Variants in NT5C3A observed in about 807,000 individuals in gnomAD.
The protein encoded by NT5C3A is cytosolic 5'-nucleotidase 3A.
In NT5C3A, 23 loss-of-function variants were observed where a neutral mutation model predicts 40.0. That is an observed-to-expected ratio of 0.58 (90% CI 0.41 to 0.81). NT5C3A has a LOEUF of 0.81. Among genes scored for constraint, NT5C3A ranks in the 40% least tolerant of loss-of-function variants. The pLI is 0.00. For synonymous variants in NT5C3A, 130 were observed against 141.4 expected (o/e 0.92, Z 0.57); for missense variants, 328 against 403.0 (o/e 0.81, Z 1.59).
intron 2 of NT5C3A, among the ~76,000 whole-genome samples, chr7:33,025,570 C>T (rs17385980): frequency 0.77 from 117,592 of 152,066 alleles, 46,019 homozygotes; most frequent in African/African-American, 0.9. Flanking sequence ...CTTAATAAGG[C>T]TGTATCTTAA....
chr7:33,025,376 G>A (rs1164741507), intron 2 of NT5C3A, among the ~76,000 whole-genome samples: 1 of 152,148 alleles, frequency 6.6e-6, no homozygotes, highest in Admixed American at 6.5e-5. Flanking sequence ...ACCAATGAAT[G>A]AATGCACATT....
chr7:33,017,026 T>TG (rs1219443802), intron 7 of NT5C3A, among the ~76,000 whole-genome samples: 1 of 151,478 alleles, frequency 6.6e-6, no homozygotes, highest in Non-Finnish European at 1.5e-5. Context: ...CTACCAAAAA[T>TG]ACAAAAATTA....
At chr7:33,030,744 C>T (rs1786201258) in intron 1 of NT5C3A, among the ~76,000 whole-genome samples, 3 of 152,140 alleles carry the variant, frequency 2.0e-5, no homozygotes. Context: ...ATTTTATCCA[C>T]AACTCAATTG....
At chr7:33,030,770 G>C (rs1047062899) in intron 1 of NT5C3A, among the ~76,000 whole-genome samples, 1 of 152,138 alleles carries the variant, frequency 6.6e-6, no homozygotes, top group Non-Finnish European at 1.5e-5. Flanking sequence ...TATTAGATTT[G>C]ATATGATCTT....
intron 6 of NT5C3A, among the ~76,000 whole-genome samples, chr7:33,019,237 CAGAG>C (rs1785498034): frequency 6.7e-6 from 1 of 148,706 alleles, no homozygotes; most frequent in African/African-American, 2.5e-5. Flanking sequence ...ACCTGGGCAA[CAGAG>C]AGAGACCCTG....
At chr7:33,058,440 G>A (rs143413784) in intron 1 of NT5C3A, among the ~76,000 whole-genome samples, 2 of 152,180 alleles carry the variant, frequency 1.3e-5, no homozygotes, top group East Asian at 3.9e-4. Flanking sequence ...TCTGCCTCCT[G>A]GTTTCAAGCG....
intron 7 of NT5C3A, chr7:33,017,118 G>A: frequency 3.6e-6 from 1 of 278,678 alleles, no homozygotes; most frequent in Middle Eastern, 1.2e-3. Context: ...AGGAGACAGA[G>A]GTTACAATGT....
At chr7:33,062,221 C>T (rs1472900126) in intron 1 of NT5C3A, among the ~76,000 whole-genome samples, 2 of 152,292 alleles carry the variant, frequency 1.3e-5, no homozygotes, top group African/African-American at 4.8e-5. Context: ...CTGCCCAGGA[C>T]ATGCAGCTTA....
At chr7:33,029,243 T>TA (rs985864235) in intron 1 of NT5C3A, 10 of 80,446 alleles carry the variant, frequency 1.2e-4, no homozygotes, top group Non-Finnish European at 1.9e-4. Context: ...CACTGGTTCC[T>TA]ATTTTTTTTT....
At chr7:33,036,063 T>C in intron 1 of NT5C3A, 2 of 1,135,042 alleles carry the variant, frequency 1.8e-6, no homozygotes, top group Non-Finnish European at 1.3e-6. Flanking sequence ...TTTCAGGTTC[T>C]TCCTGTTATG....
chr7:33,041,196 T>C, intron 1 of NT5C3A: 3 of 952,334 alleles, frequency 3.2e-6, no homozygotes, highest in Non-Finnish European at 3.8e-6. Flanking sequence ...CTTAAAAACA[T>C]TCCTTTCCAC....
chr7:33,034,794 G>GAA (rs2128004589), intron 1 of NT5C3A, among the ~76,000 whole-genome samples: 1 of 148,454 alleles, frequency 6.7e-6, no homozygotes, highest in East Asian at 1.9e-4. Flanking sequence ...AAAAAAGCTA[G>GAA]AGAGAAAGAG....
intron 1 of NT5C3A, among the ~76,000 whole-genome samples, chr7:33,059,708 T>C (rs1253876055): frequency 6.6e-6 from 1 of 152,192 alleles, no homozygotes; most frequent in Non-Finnish European, 1.5e-5. Context: ...GCTTGATAAA[T>C]GAGAAAAACT....
intron 1 of NT5C3A, among the ~76,000 whole-genome samples, chr7:33,050,150 A>T (rs1219732552): frequency 6.6e-6 from 1 of 152,166 alleles, no homozygotes; most frequent in African/African-American, 2.4e-5. Flanking sequence ...GAAAGTAACT[A>T]CAGCTAGACT....
chr7:33,023,969 G>T, intron 3 of NT5C3A, 70 bp downstream of exon 3: 1 of 880,234 alleles, frequency 1.1e-6, no homozygotes, highest in Non-Finnish European at 1.9e-6. Context: ...TATCTCACAG[G>T]TAATATAAAG....
chr7:33,053,946 C>A (rs1787470278), intron 1 of NT5C3A, among the ~76,000 whole-genome samples: 1 of 152,132 alleles, frequency 6.6e-6, no homozygotes, highest in Non-Finnish European at 1.5e-5. Flanking sequence ...GGATAATCTA[C>A]AGGAAACCTG....
chr7:33,035,955 C>T (rs975326868), intron 1 of NT5C3A: 1 of 1,613,352 alleles, frequency 6.2e-7, no homozygotes, highest in Non-Finnish European at 8.5e-7. Context: ...GTACGGCAGA[C>T]TCTTGATTAG....
In NT5C3A at chr7:33,021,305, G is replaced by GT. The variant is rs1429061142; in HGVS notation, c.406dup (p.Thr136AsnfsTer15). On this transcript the variant is annotated frameshift_variant, in exon 5 of 9. Coordinates refer to ENST00000610140, the MANE Select transcript of NT5C3A (RefSeq NM_001002010.5). LOFTEE classifies it high-confidence loss of function. ...CATATAAGGGTACTTCTCTTCTACA[G>GT]TAAGAACAGGATCAACTTCAATAGC... 1 of 1,612,196 alleles carries GT rather than the reference G, an allele frequency of 6.2e-7. No individual in the cohort carries two copies. Among genetic ancestry groups the GT allele is most frequent in the African/African-American group, 1.3e-5 (1 of 74,896 alleles).
intron 1 of NT5C3A, among the ~76,000 whole-genome samples, chr7:33,049,969 CAAAAAAAAAA>C (rs61035673): frequency 5.1e-5 from 3 of 58,462 alleles, no homozygotes; most frequent in Non-Finnish European, 7.6e-5. Context: ...GACTCCATCT[CAAAAAAAAAA>C]AAAAAAAAAA....
Sources: allele counts gnomAD v4.1 joint callset (sites outside exome capture counted in the v4.1 genomes callset), GRCh38; gene constraint gnomAD v4.1.1; transcripts MANE v1.5; gene names NCBI Gene and HGNC (gene_info 2026-07-23, HGNC 2026-07-21).